Variants in CCBE1 observed in about 807,000 individuals in gnomAD.
CCBE1 encodes the protein collagen and calcium-binding EGF domain-containing protein 1.
In CCBE1, 37 loss-of-function variants were observed where a neutral mutation model predicts 50.0. The ratio of observed to expected loss-of-function variants is 0.74; its 90% CI spans 0.57 to 0.97. The LOEUF is 0.97. CCBE1 is among the 50% of genes least tolerant of loss of function. CCBE1 has a pLI of 0.00. For missense variants in CCBE1, 538 were observed against 523.8 expected (o/e 1.03, Z -0.26); for synonymous variants, 234 against 203.7 (o/e 1.15, Z -1.27).
chr18:59,500,876 G>A (rs1021938173), intron 2 of CCBE1, among the ~76,000 whole-genome samples: 1 of 152,184 alleles, frequency 6.6e-6, no homozygotes, highest in Non-Finnish European at 1.5e-5. Flanking sequence ...GTGGGGAAGG[G>A]TTTTGCTACT....
chr18:59,582,911 C>T (rs9946419), intron 2 of CCBE1, among the ~76,000 whole-genome samples: 4,285 of 152,230 alleles, frequency 0.028, 179 homozygotes, highest in African/African-American at 0.092. Context: ...CTCCTGGGCT[C>T]GAGCAATCCT....
chr18:59,516,808 A>G (rs924935623), intron 2 of CCBE1, among the ~76,000 whole-genome samples: 1 of 152,216 alleles, frequency 6.6e-6, no homozygotes, highest in Non-Finnish European at 1.5e-5. Flanking sequence ...CAGCAAACAC[A>G]CAACACACAG....
At chr18:59,514,122 C>T (rs1914258409) in intron 2 of CCBE1, among the ~76,000 whole-genome samples, 1 of 152,162 alleles carries the variant, frequency 6.6e-6, no homozygotes, top group Non-Finnish European at 1.5e-5. Flanking sequence ...AGTTCATAAG[C>T]CCTTCAAGGG....
intron 10 of CCBE1, among the ~76,000 whole-genome samples, chr18:59,437,297 G>A (rs1056907187): frequency 2.0e-5 from 3 of 152,146 alleles, no homozygotes; most frequent in Non-Finnish European, 4.4e-5. Context: ...CTACAGCAGC[G>A]GGCACCGTGG....
chr18:59,460,603 G>A (rs1911413995), intron 5 of CCBE1, among the ~76,000 whole-genome samples: 1 of 152,174 alleles, frequency 6.6e-6, no homozygotes, highest in South Asian at 2.1e-4. Flanking sequence ...TAGAAGGTGT[G>A]GAGGCTGGGT....
chr18:59,459,677 G>T (rs1911366686), intron 5 of CCBE1, among the ~76,000 whole-genome samples: 1 of 152,192 alleles, frequency 6.6e-6, no homozygotes. Flanking sequence ...TTTTATATGG[G>T]CAGTGTTAGA....
intron 6 of CCBE1, among the ~76,000 whole-genome samples, chr18:59,453,239 G>A (rs965875742): frequency 1.3e-5 from 2 of 152,202 alleles, no homozygotes; most frequent in African/African-American, 4.8e-5. Flanking sequence ...AGGTACATCT[G>A]GAGATATTGA....
At chr18:59,695,367 T>A (rs1157636696) in intron 2 of CCBE1, among the ~76,000 whole-genome samples, 1 of 152,182 alleles carries the variant, frequency 6.6e-6, no homozygotes, top group Non-Finnish European at 1.5e-5. Flanking sequence ...CTTTAAGTCT[T>A]AACCTGCCAA....
At chr18:59,601,047 T>G (rs978887716) in intron 2 of CCBE1, among the ~76,000 whole-genome samples, 14 of 107,578 alleles carry the variant, frequency 1.3e-4, no homozygotes, top group Non-Finnish European at 1.8e-4. Context: ...TTTTTTTTTT[T>G]GTAAGACAGG....
intron 2 of CCBE1, among the ~76,000 whole-genome samples, chr18:59,554,264 C>T (rs986584868): frequency 6.6e-6 from 1 of 152,188 alleles, no homozygotes; most frequent in African/African-American, 2.4e-5. Flanking sequence ...CAGACATGAG[C>T]CACCATGCCC....
chr18:59,553,011 C>G (rs963641825), intron 2 of CCBE1, among the ~76,000 whole-genome samples: 1 of 152,092 alleles, frequency 6.6e-6, no homozygotes. Flanking sequence ...TACACTTACA[C>G]CTTCTTTTAT....
At chr18:59,516,757 G>A (rs1914392182) in intron 2 of CCBE1, among the ~76,000 whole-genome samples, 1 of 152,116 alleles carries the variant, frequency 6.6e-6, no homozygotes, top group Admixed American at 6.5e-5. Context: ...GGCAGAATGT[G>A]GCAGGAGTGT....
intron 2 of CCBE1, among the ~76,000 whole-genome samples, chr18:59,546,112 C>T (rs191516934): frequency 1.3e-5 from 2 of 152,280 alleles, no homozygotes; most frequent in East Asian, 1.9e-4. Context: ...CTCACCAAAA[C>T]GTATGACATT....
chr18:59,577,238 A>T (rs1473111401), intron 2 of CCBE1, among the ~76,000 whole-genome samples: 2 of 152,246 alleles, frequency 1.3e-5, no homozygotes, highest in African/African-American at 4.8e-5. Flanking sequence ...GAACTTAGGC[A>T]GAAAAGCATT....
intron 2 of CCBE1, among the ~76,000 whole-genome samples, chr18:59,561,516 G>A (rs1467070483): frequency 6.6e-6 from 1 of 152,210 alleles, no homozygotes; most frequent in Non-Finnish European, 1.5e-5. Context: ...TGTTATCACA[G>A]CCATGTAGCC....
At chr18:59,611,610 G>T (rs1409891903) in intron 2 of CCBE1, among the ~76,000 whole-genome samples, 1 of 152,172 alleles carries the variant, frequency 6.6e-6, no homozygotes, top group Non-Finnish European at 1.5e-5. Context: ...GCTGGGCATG[G>T]TGGCATGTGC....
At chr18:59,530,287 A>G (rs1251122495) in intron 2 of CCBE1, among the ~76,000 whole-genome samples, 1 of 152,028 alleles carries the variant, frequency 6.6e-6, no homozygotes, top group Non-Finnish European at 1.5e-5. Context: ...TCTGTTCATT[A>G]TGGCTCATGA....
At chr18:59,639,131 G>A (rs2053951644) in intron 2 of CCBE1, among the ~76,000 whole-genome samples, 1 of 152,152 alleles carries the variant, frequency 6.6e-6, no homozygotes, top group East Asian at 1.9e-4. Flanking sequence ...AAATAAGCCA[G>A]GCATGGTGGT....
intron 2 of CCBE1, among the ~76,000 whole-genome samples, chr18:59,599,564 C>A (rs962840404): frequency 6.6e-6 from 1 of 152,286 alleles, no homozygotes; most frequent in Admixed American, 6.5e-5. Context: ...ACATTTCATT[C>A]CTGGCCATGA....
Sources: allele counts gnomAD v4.1 joint callset (sites outside exome capture counted in the v4.1 genomes callset), GRCh38; gene constraint gnomAD v4.1.1; transcripts MANE v1.5; gene names NCBI Gene and HGNC (gene_info 2026-07-23, HGNC 2026-07-21).